Variants in NIPAL4 observed in about 807,000 individuals in gnomAD.
The protein encoded by NIPAL4 is magnesium transporter NIPA4.
Under a neutral mutation model 31.6 loss-of-function variants are expected in NIPAL4, and 21 were observed. That is an observed-to-expected ratio of 0.67 (90% CI 0.47 to 0.96). NIPAL4 has a LOEUF of 0.96. NIPAL4 is among the 40% of genes least tolerant of loss of function. NIPAL4 has a pLI of 0.00. For synonymous variants in NIPAL4, 175 were observed against 211.1 expected, an observed-to-expected ratio of 0.83 and a Z score of 1.48; for missense variants, 438 against 508.0, an observed-to-expected ratio of 0.86 and a Z score of 1.32.
intron 3 of NIPAL4, chr5:157,467,372 G>T (rs969559898): frequency 1.2e-5 from 5 of 408,616 alleles, no homozygotes; most frequent in African/African-American, 1.0e-4. Flanking sequence ...TTTAAACATA[G>T]CTCGATAATA....
In NIPAL4 at chr5:157,468,591, G is replaced by A. The variant is rs116570764; in HGVS notation, c.335-131G>A. The A allele has an allele frequency of 4.5e-6, 3 of 670,972 alleles. No homozygotes were observed. The South Asian group carries it at 5.1e-5, about 11-fold the overall frequency. 41.6% of individuals were successfully genotyped at this position (670,972 alleles called of 1,614,324 possible). A position where few individuals can be genotyped will look rare whatever the true frequency, so the allele number is the denominator to read the frequency against. ...CCTTCGATCAGACTCTCCAGGGAGA[G>A]AGCGTATGGATCAAGATTTTAAGGA... is the stretch of plus-strand genomic sequence containing the variant. On this transcript the variant is annotated intron_variant, in intron 3 of 5. Coordinates refer to ENST00000311946, the MANE Select transcript of NIPAL4 (RefSeq NM_001099287.2).
At chr5:157,469,634 C>T (rs1262164444) in intron 4 of NIPAL4, among the ~76,000 whole-genome samples, 1 of 152,210 alleles carries the variant, frequency 6.6e-6, no homozygotes, top group Non-Finnish European at 1.5e-5. Context: ...GTCTGTGCTT[C>T]CCACTGCCCC....
At chr5:157,466,063 A>G (rs1215970929) in intron 2 of NIPAL4, among the ~76,000 whole-genome samples, 1 of 149,440 alleles carries the variant, frequency 6.7e-6, no homozygotes, top group African/African-American at 2.5e-5. Flanking sequence ...GAGAGAGAGA[A>G]AGGAAGGAAG....
intron 1 of NIPAL4, among the ~76,000 whole-genome samples, chr5:157,460,741 A>G (rs1186568818): frequency 6.6e-6 from 1 of 152,130 alleles, no homozygotes; most frequent in Admixed American, 6.5e-5. Context: ...TCTCTGGGTC[A>G]ATGGGAGGAC....
intron 1 of NIPAL4, among the ~76,000 whole-genome samples, chr5:157,462,656 G>T (rs972331952): frequency 6.6e-6 from 1 of 152,186 alleles, no homozygotes; most frequent in African/African-American, 2.4e-5. Context: ...CTTTGGGCAG[G>T]TTACTAAACT....
chr5:157,461,324 CCT>C (rs1341177323), intron 1 of NIPAL4, among the ~76,000 whole-genome samples: 1 of 152,196 alleles, frequency 6.6e-6, no homozygotes, highest in Non-Finnish European at 1.5e-5. Context: ...GGCCATCAGC[CCT>C]CTGTCTTTTA....
Position 157,473,027 on chromosome 5 carries a change from C to T in NIPAL4, c.*67C>T, listed in dbSNP as rs1754487032. ...GCCTGCCCTCCCAATTTCAAAACCA[C>T]CTGGTTATTTTCCAGTGCAACTGTT... On this transcript the variant is annotated 3_prime_UTR_variant, in exon 6 of 6. Coordinates refer to ENST00000311946, the MANE Select transcript of NIPAL4 (RefSeq NM_001099287.2). 1 of 1,365,796 alleles carries T rather than the reference C, an allele frequency of 7.3e-7. No individual in the cohort carries two copies. The highest frequency in any genetic ancestry group is 2.4e-5 in the Admixed American group (1 of 42,184). The allele number at this position is 1,365,796 out of a possible 1,614,324, so 84.6% of individuals were successfully genotyped here.
chr5:157,464,830 T>C (rs1754209982), intron 2 of NIPAL4, among the ~76,000 whole-genome samples: 1 of 152,202 alleles, frequency 6.6e-6, no homozygotes, highest in African/African-American at 2.4e-5. Context: ...GCTCCTCAAT[T>C]CCTGGTGATT....
chr5:157,461,472 C>T (rs1211206555), intron 1 of NIPAL4, among the ~76,000 whole-genome samples: 3 of 152,176 alleles, frequency 2.0e-5, no homozygotes, highest in African/African-American at 4.8e-5. Context: ...CTTCAGGGAG[C>T]AGGGGAAGGG....
chr5:157,462,297 C>T (rs940720899), intron 1 of NIPAL4, among the ~76,000 whole-genome samples: 2 of 152,134 alleles, frequency 1.3e-5, no homozygotes, highest in Non-Finnish European at 1.5e-5. Flanking sequence ...GATTTTTCAC[C>T]GTAGCCTCCC....
In NIPAL4 at chr5:157,460,296, C is replaced by A. The variant is rs1432522143; in HGVS notation, c.-25C>A. ...GGAGCCCGGGCGCCGTCCGCCCGCG[C>A]GTCGGTTCGTGTGCCCCGGGCCCCA... On this transcript the variant is annotated 5_prime_UTR_variant, in exon 1 of 6. Transcript: ENST00000311946. 1 of 1,546,112 alleles carries A rather than the reference C, an allele frequency of 6.5e-7. No individual in the cohort carries two copies. Among genetic ancestry groups the A allele is most frequent in the Non-Finnish European group, 8.7e-7 (1 of 1,145,146 alleles).
At chr5:157,465,188 A>G (rs541055571) in intron 2 of NIPAL4, among the ~76,000 whole-genome samples, 79 of 152,326 alleles carry the variant, frequency 5.2e-4, no homozygotes, top group African/African-American at 1.9e-3. Flanking sequence ...TCCACCCTTC[A>G]CTTCTAGACA....
intron 1 of NIPAL4, 162 bp downstream of exon 1, chr5:157,460,519 T>C (rs1380555937): frequency 8.0e-6 from 6 of 747,530 alleles, no homozygotes; most frequent in Admixed American, 8.0e-5. Flanking sequence ...ATCTGGGTTC[T>C]GGCTGAGACT....
intron 4 of NIPAL4, among the ~76,000 whole-genome samples, chr5:157,469,743 C>A (rs1256991305): frequency 6.6e-6 from 1 of 152,110 alleles, no homozygotes; most frequent in Admixed American, 6.5e-5. Flanking sequence ...CTTGGAACGC[C>A]GGTAAATTGT....
chr5:157,467,010 C>G (rs751172162), intron 2 of NIPAL4, 39 bp from the exon 3 acceptor site: 19 of 1,540,256 alleles, frequency 1.2e-5, no homozygotes, highest in Non-Finnish European at 1.7e-5. Flanking sequence ...GAAAGTGTGG[C>G]CAAGTTCCAT....
At chr5:157,464,780 T>C (rs11745505) in intron 2 of NIPAL4, among the ~76,000 whole-genome samples, 15,872 of 152,208 alleles carry the variant, frequency 0.1, 1,065 homozygotes, top group Middle Eastern at 0.15. Flanking sequence ...TTTTGTGGGA[T>C]ATTGCACTTA....
chr5:157,466,503 GAGTAACTATGA>G (rs1754276909), intron 2 of NIPAL4, among the ~76,000 whole-genome samples: 1 of 152,248 alleles, frequency 6.6e-6, no homozygotes, highest in South Asian at 2.1e-4. Context: ...AGTGGAACCA[GAGTAACTATGA>G]AGGAGGCTGT....
In NIPAL4 at chr5:157,471,639, T is replaced by C; in HGVS notation, c.426-18T>C. On this transcript the variant is annotated intron_variant, in intron 4 of 5. Transcript: ENST00000311946. ...AGGCATGGCTGCTCTAATCCCCTTC[T>C]CCCATTTCCACGTGCAGTGCCATCC... 3 of 1,593,460 alleles carry C rather than the reference T, an allele frequency of 1.9e-6. No individual in the cohort carries two copies. The South Asian group carries it at 3.4e-5, about 18-fold the overall frequency.
Position 157,474,006 on chromosome 5 carries a change from C to T in NIPAL4, c.*1046C>T, listed in dbSNP as rs180987486. The T allele has an allele frequency of 6.6e-6, 1 of 152,398 alleles. No homozygotes were observed. The highest frequency in any genetic ancestry group is 2.4e-5 in the African/African-American group (1 of 41,586). 9.4% of individuals were successfully genotyped at this position (152,398 alleles called of 1,614,324 possible). ...TAACTTTTGTGTTGACTCTGGTGCT[C>T]ATCTGGGAACTTAGGAGAAACGAGC... On this transcript the variant is annotated 3_prime_UTR_variant, in exon 6 of 6. Transcript: ENST00000311946.
Sources: gnomAD v4.1 joint callset for allele counts (sites outside exome capture counted in the v4.1 genomes callset) on GRCh38, gnomAD v4.1.1 for gene constraint, MANE v1.5 for transcripts, NCBI Gene and HGNC (gene_info 2026-07-23, HGNC 2026-07-21) for gene names.